KCNIP1: variants seen among roughly 807,000 people sequenced by gnomAD.
The protein encoded by KCNIP1 is potassium voltage-gated channel interacting protein 1, also known as A-type potassium channel modulatory protein KCNIP1.
In KCNIP1, 18 loss-of-function variants were observed where a neutral mutation model predicts 33.0. That is an observed-to-expected ratio of 0.55 (90% confidence interval 0.38 to 0.81). The LOEUF (loss-of-function observed/expected upper bound fraction) is 0.81, where lower values mean the gene tolerates loss of function less well. Among genes scored for constraint, KCNIP1 ranks in the 30% least tolerant of loss-of-function variants. KCNIP1 has a pLI of 0.00. For missense variants in KCNIP1, 238 were observed against 271.6 expected (o/e 0.88, Z 0.87); for synonymous variants, 93 against 98.3 (o/e 0.95, Z 0.32).
At chr5:170,702,742 G>GT (rs1290078228) in intron 1 of KCNIP1, among the ~76,000 whole-genome samples, 1 of 152,154 alleles carries the variant, frequency 6.6e-6, no homozygotes, top group East Asian at 1.9e-4. Context: ...ATTAGTCTCT[G>GT]TGACCCCAAG....
At chr5:170,693,632 CT>C (rs1162851958) in intron 1 of KCNIP1, among the ~76,000 whole-genome samples, 1 of 152,232 alleles carries the variant, frequency 6.6e-6, no homozygotes, top group African/African-American at 2.4e-5. Context: ...ACGGAAGACC[CT>C]CCATCAACAT....
chr5:170,733,045 C>G (rs966371907), intron 6 of KCNIP1, 141 bp downstream of exon 6: 18 of 571,640 alleles, frequency 3.1e-5, no homozygotes, highest in Non-Finnish European at 3.8e-5. Context: ...ACATTGTCCT[C>G]AAGAAACAGA....
intron 1 of KCNIP1, among the ~76,000 whole-genome samples, chr5:170,395,435 C>T (rs1428252383): frequency 6.6e-6 from 1 of 152,168 alleles, no homozygotes; most frequent in African/African-American, 2.4e-5. Flanking sequence ...TTCATCAAAG[C>T]CATGTTGTCA....
chr5:170,439,489 C>CA (rs1554092682), intron 1 of KCNIP1, among the ~76,000 whole-genome samples: 1 of 149,454 alleles, frequency 6.7e-6, no homozygotes, highest in African/African-American at 2.5e-5. Flanking sequence ...GGGACGGGGG[C>CA]GGGGGGGTGC....
intron 1 of KCNIP1, among the ~76,000 whole-genome samples, chr5:170,527,088 C>G (rs1043449491): frequency 3.9e-5 from 6 of 152,102 alleles, no homozygotes; most frequent in African/African-American, 7.2e-5. Flanking sequence ...GGATGCTTCC[C>G]TTGTCCCTCC....
chr5:170,697,378 AC>A (rs1388797691), intron 1 of KCNIP1, among the ~76,000 whole-genome samples: 1 of 152,188 alleles, frequency 6.6e-6, no homozygotes, highest in Non-Finnish European at 1.5e-5. Context: ...TAATCATCAC[AC>A]TGCCTGCCAA....
intron 1 of KCNIP1, among the ~76,000 whole-genome samples, chr5:170,643,671 G>A (rs1454542225): frequency 1.3e-5 from 2 of 152,190 alleles, no homozygotes; most frequent in South Asian, 2.1e-4. Context: ...CAGCTTCTAG[G>A]GCAGGGTCCC....
At chr5:170,675,974 T>C (rs1762116763) in intron 1 of KCNIP1, among the ~76,000 whole-genome samples, 2 of 104,028 alleles carry the variant, frequency 1.9e-5, no homozygotes, top group South Asian at 3.7e-4. Context: ...GGTAAGACTT[T>C]TTAATCTATC....
At chr5:170,475,486 C>T (rs555912143) in intron 1 of KCNIP1, among the ~76,000 whole-genome samples, 2 of 152,306 alleles carry the variant, frequency 1.3e-5, no homozygotes, top group Admixed American at 6.5e-5. Context: ...GACTCCCACA[C>T]GGCTGTCCTG....
In KCNIP1 at chr5:170,597,014, C is replaced by T. The variant is rs115072993; in HGVS notation, c.61+92381C>T. ...TGTAGGTGAGTTTTACCTTGGGAAA[C>T]CAAGGCACAGAATTTAAGTAACATA... is the stretch of plus-strand genomic sequence containing the variant. On this transcript the variant is annotated intron_variant, in intron 1 of 7. Coordinates refer to ENST00000328939, the MANE Select transcript of KCNIP1 (RefSeq NM_014592.4). Among the ~76,000 whole-genome samples the T allele has an allele frequency of 5.9e-3, 904 of 152,322 alleles. 4 individuals carry two copies. Among genetic ancestry groups the T allele is most frequent in the Middle Eastern group, 0.041 (12 of 294 alleles).
intron 1 of KCNIP1, among the ~76,000 whole-genome samples, chr5:170,716,679 G>A (rs941943725): frequency 1.3e-5 from 2 of 152,286 alleles, no homozygotes; most frequent in East Asian, 1.9e-4. Flanking sequence ...AATGAAGTGG[G>A]TTTAATAGTT....
intron 1 of KCNIP1, among the ~76,000 whole-genome samples, chr5:170,641,285 A>G (rs1179676799): frequency 2.0e-5 from 3 of 152,128 alleles, no homozygotes; most frequent in Non-Finnish European, 2.9e-5. Context: ...TGACTTGTTC[A>G]AGGTTAAGGT....
chr5:170,367,362 AAAG>A (rs1763697581), intron 1 of KCNIP1, among the ~76,000 whole-genome samples: 1 of 87,022 alleles, frequency 1.1e-5, no homozygotes, highest in African/African-American at 5.1e-5. Flanking sequence ...AGAAAGAAAG[AAAG>A]AAAGAAAGAA....
intron 1 of KCNIP1, among the ~76,000 whole-genome samples, chr5:170,610,806 G>A (rs748684286): frequency 7.2e-5 from 11 of 152,172 alleles, no homozygotes; most frequent in African/African-American, 9.7e-5. Context: ...TGTGTTTCCT[G>A]TAGGTAAACC....
intron 1 of KCNIP1, among the ~76,000 whole-genome samples, chr5:170,459,061 A>G (rs1756451988): frequency 1.3e-5 from 2 of 152,318 alleles, no homozygotes; most frequent in East Asian, 3.9e-4. Context: ...CAGACAAAAC[A>G]AATTTTAGAG....
At chr5:170,703,466 G>A (rs952815885) in intron 1 of KCNIP1, among the ~76,000 whole-genome samples, 1 of 137,742 alleles carries the variant, frequency 7.3e-6, no homozygotes, top group Non-Finnish European at 1.5e-5. Flanking sequence ...TGTTGATAAA[G>A]TTCACACTTA....
intron 1 of KCNIP1, among the ~76,000 whole-genome samples, chr5:170,527,505 A>T (rs764790225): frequency 2.6e-5 from 4 of 151,988 alleles, no homozygotes; most frequent in African/African-American, 4.8e-5. Flanking sequence ...AGGGCCTGCG[A>T]ACGGCAATCT....
chr5:170,367,480 C>G (rs1478417029), intron 1 of KCNIP1, among the ~76,000 whole-genome samples: 1 of 151,100 alleles, frequency 6.6e-6, no homozygotes, highest in East Asian at 1.9e-4. Context: ...ATGTGCAGCA[C>G]CCAGCACAAG....
intron 1 of KCNIP1, among the ~76,000 whole-genome samples, chr5:170,534,938 G>A (rs770330741): frequency 2.6e-5 from 4 of 151,998 alleles, no homozygotes; most frequent in African/African-American, 9.6e-5. Flanking sequence ...TGGTTGCCTC[G>A]GTTTCCCAGA....
Sources: allele counts gnomAD v4.1 joint callset (sites outside exome capture counted in the v4.1 genomes callset), GRCh38; gene constraint gnomAD v4.1.1; transcripts MANE v1.5; gene names NCBI Gene and HGNC (gene_info 2026-07-23, HGNC 2026-07-21).